The following DOCK4 variants were observed in gnomAD, a reference collection of about 807,000 sequenced individuals.
DOCK4 encodes dedicator of cytokinesis protein 4.
A neutral mutation model predicts 268.1 loss-of-function variants in DOCK4; 97 were observed. That is an observed-to-expected ratio of 0.36 (90% CI 0.31 to 0.43). DOCK4 has a LOEUF of 0.43. Among genes scored for constraint, DOCK4 ranks in the 20% least tolerant of loss-of-function variants. DOCK4 has a pLI of 1.00. For missense variants in DOCK4, 2,145 were observed against 2,455.7 expected (o/e 0.87, Z 2.67); for synonymous variants, 954 against 887.2 (o/e 1.08, Z -1.34).
intron 1 of DOCK4, among the ~76,000 whole-genome samples, chr7:112,015,060 A>T (rs1346424071): frequency 6.6e-6 from 1 of 152,188 alleles, no homozygotes; most frequent in African/African-American, 2.4e-5. Context: ...TCTTAGTCAT[A>T]GGATGAATTA....
At chr7:111,921,462 A>T (rs1163766297) in intron 12 of DOCK4, among the ~76,000 whole-genome samples, 1 of 152,220 alleles carries the variant, frequency 6.6e-6, no homozygotes, top group East Asian at 1.9e-4. Context: ...ATGATTTATA[A>T]GTAGCAGCTG....
intron 1 of DOCK4, among the ~76,000 whole-genome samples, chr7:112,020,617 T>C (rs1014319288): frequency 6.8e-6 from 1 of 147,468 alleles, no homozygotes; most frequent in Non-Finnish European, 1.5e-5. Flanking sequence ...CGTAAGACCA[T>C]GTGGCACAGA....
In DOCK4 at chr7:111,863,542, G is replaced by T; in HGVS notation, c.2303C>A (p.Pro768His). Reference sequence around the variant, plus strand: ...CTTCAACAGTTCTGAGTACACGGCAGGGAAAGAGCTCAGAAACACAGCCTT... The same window carrying T: ...CTTCAACAGTTCTGAGTACACGGCATGGAAAGAGCTCAGAAACACAGCCTT... ...QSQAVFLSSF[P>H]AVYSELLKLF... Residue 768 changes from proline (P) to histidine (H), a missense_variant, in exon 23 of 53, where the codon CCT becomes CAT. Pro to His is a moderately conservative substitution (Grantham distance 77). This residue lies in a region of DOCK4 where 1,598 missense variants were observed against 1,986.7 expected (regional missense o/e 0.80). Transcript: ENST00000428084. 1 of 1,606,654 alleles carries T rather than the reference G, an allele frequency of 6.2e-7. No individual in the cohort carries two copies. The highest frequency in any genetic ancestry group is 1.1e-5 in the South Asian group (1 of 90,316).
At position 112,206,399 on chromosome 7, in the gene DOCK4, C is replaced by T. The variant is rs1587066695; in HGVS notation, c.-261G>A. The T allele has an allele frequency of 1.7e-6, 1 of 586,816 alleles. No homozygotes were observed. 36.4% of individuals were successfully genotyped at this position (586,816 alleles called of 1,614,324 possible). On this transcript the variant is annotated 5_prime_UTR_variant, in exon 1 of 53. Coordinates refer to ENST00000428084, the MANE Select transcript of DOCK4 (RefSeq NM_001363540.2). The stretch of plus-strand genomic sequence containing the variant: ...CGGCGGCGCAGTCATTGTTCTGATT[C>T]ACTGAACTAAGCGAACACGCCGGGG...
At chr7:112,100,890 G>A (rs1332250929) in intron 1 of DOCK4, among the ~76,000 whole-genome samples, 1 of 152,160 alleles carries the variant, frequency 6.6e-6, no homozygotes, top group African/African-American at 2.4e-5. Flanking sequence ...GGATATAAGG[G>A]AAGCATTTAA....
At chr7:112,023,110 T>C (rs1802474631) in intron 1 of DOCK4, among the ~76,000 whole-genome samples, 1 of 152,134 alleles carries the variant, frequency 6.6e-6, no homozygotes, top group African/African-American at 2.4e-5. Context: ...GTATTTTTAG[T>C]AGACAATGGC....
At chr7:111,734,036 C>G (rs1186459301) in intron 51 of DOCK4, among the ~76,000 whole-genome samples, 1 of 152,140 alleles carries the variant, frequency 6.6e-6, no homozygotes, top group Admixed American at 6.5e-5. Flanking sequence ...TTCCTGGGCT[C>G]AAGCAATTCT....
In DOCK4 at chr7:111,844,913, A is replaced by G. The variant is rs924135457; in HGVS notation, c.2602-16T>C. 5 of 1,602,714 alleles carry G rather than the reference A, an allele frequency of 3.1e-6. No homozygotes were observed. Among genetic ancestry groups the G allele is most frequent in the Non-Finnish European group, 4.3e-6 (5 of 1,175,364 alleles). On this transcript the variant is annotated splice_polypyrimidine_tract_variant and intron_variant, in intron 24 of 52. Transcript: ENST00000428084. The stretch of plus-strand genomic sequence containing the variant: ...CAGATTTTTCCTTAAGAGAAAAAAA[A>G]TAATATGTTCAGGAAACTGGGGTTT...
intron 1 of DOCK4, among the ~76,000 whole-genome samples, chr7:112,111,052 C>T (rs934564168): frequency 1.3e-5 from 2 of 152,210 alleles, no homozygotes; most frequent in African/African-American, 4.8e-5. Flanking sequence ...ACATCAGAAA[C>T]AGGGTGTGAT....
chr7:112,027,760 T>A (rs1049846731), intron 1 of DOCK4, among the ~76,000 whole-genome samples: 1 of 152,250 alleles, frequency 6.6e-6, no homozygotes, highest in Non-Finnish European at 1.5e-5. Flanking sequence ...AGAAAGGGAC[T>A]GGGTTTATTT....
At chr7:112,070,271 G>C (rs1171444024) in intron 1 of DOCK4, among the ~76,000 whole-genome samples, 1 of 152,190 alleles carries the variant, frequency 6.6e-6, no homozygotes, top group African/African-American at 2.4e-5. Flanking sequence ...GAACCCTTTA[G>C]ATACAGGGGT....
At chr7:111,850,037 C>T (rs1389803103) in intron 23 of DOCK4, among the ~76,000 whole-genome samples, 1 of 152,134 alleles carries the variant, frequency 6.6e-6, no homozygotes, top group Non-Finnish European at 1.5e-5. Context: ...ATTTCTTATG[C>T]ATTGTATCTC....
At chr7:111,898,592 C>CAT in intron 15 of DOCK4, among the ~76,000 whole-genome samples, 1 of 152,254 alleles carries the variant, frequency 6.6e-6, no homozygotes, top group African/African-American at 2.4e-5. Context: ...AAATGCTTGG[C>CAT]ATATAGTGGG....
chr7:111,960,862 C>T (rs1306537879), intron 8 of DOCK4, among the ~76,000 whole-genome samples: 1 of 152,100 alleles, frequency 6.6e-6, no homozygotes, highest in African/African-American at 2.4e-5. Flanking sequence ...ACAGAGTTTC[C>T]TTCTTTTTAA....
chr7:111,885,977 G>C (rs1055249226), intron 16 of DOCK4, among the ~76,000 whole-genome samples: 2 of 152,150 alleles, frequency 1.3e-5, no homozygotes, highest in African/African-American at 4.8e-5. Context: ...TATGTTCTAG[G>C]CTACTTTTTG....
intron 11 of DOCK4, among the ~76,000 whole-genome samples, chr7:111,938,840 T>C (rs879275679): frequency 2.6e-5 from 4 of 152,012 alleles, no homozygotes; most frequent in Non-Finnish European, 4.4e-5. Flanking sequence ...CCAGGCATGG[T>C]GGCATGCGCC....
chr7:111,984,489 T>C, intron 6 of DOCK4, 99 bp from the exon 7 acceptor site: 1 of 942,026 alleles, frequency 1.1e-6, no homozygotes, highest in Non-Finnish European at 1.6e-6. Context: ...ATTAGGTATA[T>C]CACCCACCAT....
At chr7:111,955,239 A>G (rs571676404) in intron 8 of DOCK4, among the ~76,000 whole-genome samples, 1 of 152,372 alleles carries the variant, frequency 6.6e-6, no homozygotes, top group South Asian at 2.1e-4. Flanking sequence ...TTCTAATTTT[A>G]AAACTAAAGC....
At chr7:111,818,258 CA>C (rs1183075927) in intron 27 of DOCK4, among the ~76,000 whole-genome samples, 8 of 152,206 alleles carry the variant, frequency 5.3e-5, no homozygotes, top group African/African-American at 1.4e-4. Context: ...CTGAGGAGCC[CA>C]AACGCACATG....
Sources: allele counts gnomAD v4.1 joint callset (sites outside exome capture counted in the v4.1 genomes callset), GRCh38; gene constraint gnomAD v4.1.1; regional missense constraint gnomAD v4.1.1; transcripts MANE v1.5; gene names NCBI Gene and HGNC (gene_info 2026-07-23, HGNC 2026-07-21).